The following NSMAF variants were observed in gnomAD, a reference collection of about 807,000 sequenced individuals.
NSMAF encodes protein FAN.
Under a neutral mutation model 134.9 loss-of-function variants are expected in NSMAF, and 90 were observed. The ratio of observed to expected loss-of-function variants is 0.67; its 90% CI spans 0.56 to 0.79. The LOEUF (loss-of-function observed/expected upper bound fraction) is 0.79, where lower values mean the gene tolerates loss of function less well. Among genes scored for constraint, NSMAF ranks in the 30% least tolerant of loss-of-function variants. The pLI is 0.00. For missense variants in NSMAF, 1,010 were observed against 1,119.0 expected (o/e 0.90, Z 1.39); for synonymous variants, 358 against 389.6 (o/e 0.92, Z 0.96).
In NSMAF at chr8:58,623,229, T is replaced by C. The variant is rs763273132; in HGVS notation, c.548A>G (p.Asp183Gly). ...LQSRLARTSFDKNRFQNISEK... is the reference protein window; with the variant it reads ...LQSRLARTSFGKNRFQNISEK... ...ATCATTAGAAACTTACCTGTTTTTG[T>C]CAAATGATGTTCTAGCTAAACGAGA... Residue 183 changes from aspartate (D) to glycine (G), a missense_variant, in exon 9 of 31, where the codon GAC (aspartate) becomes GGC (glycine). By Grantham distance (94) the Asp-to-Gly change is moderately conservative. Transcript: ENST00000038176. 2 of 1,608,188 alleles carry C rather than the reference T, an allele frequency of 1.2e-6. No homozygotes were observed. The highest frequency in any genetic ancestry group is 2.7e-5 in the African/African-American group (2 of 74,754).
intron 19 of NSMAF, among the ~76,000 whole-genome samples, chr8:58,598,979 T>C (rs1806208993): frequency 6.6e-6 from 1 of 151,924 alleles, no homozygotes; most frequent in Admixed American, 6.6e-5. Context: ...TAAGCCAAGA[T>C]TGTGTCACTG....
chr8:58,635,636 A>G, intron 2 of NSMAF, 90 bp from the exon 3 acceptor site: 2 of 747,836 alleles, frequency 2.7e-6, no homozygotes, highest in Non-Finnish European at 2.2e-6. Context: ...GCAGGTTACT[A>G]AAGCATCACA....
chr8:58,617,155 T>C (rs891838154), intron 9 of NSMAF, among the ~76,000 whole-genome samples: 3 of 152,162 alleles, frequency 2.0e-5, no homozygotes, highest in Non-Finnish European at 2.9e-5. Context: ...GGTAAATTTT[T>C]AATTCAGGAT....
intron 6 of NSMAF, among the ~76,000 whole-genome samples, chr8:58,625,097 A>G (rs551289234): frequency 8.5e-5 from 13 of 152,272 alleles, no homozygotes; most frequent in Admixed American, 7.8e-4. Flanking sequence ...GCCCTCCCCA[A>G]TGTGGGTGGG....
At chr8:58,606,488 T>G (rs779155786) in intron 11 of NSMAF, among the ~76,000 whole-genome samples, 1 of 152,174 alleles carries the variant, frequency 6.6e-6, no homozygotes, top group Non-Finnish European at 1.5e-5. Context: ...TGATCACCGC[T>G]CACTGCAGCC....
intron 8 of NSMAF, 43 bp from the exon 9 acceptor site, chr8:58,623,315 T>C (rs750164005): frequency 6.2e-7 from 1 of 1,600,550 alleles, no homozygotes; most frequent in Non-Finnish European, 8.6e-7. Flanking sequence ...TAAGTATTTA[T>C]AAGTAAAATA....
In NSMAF at chr8:58,584,197, G is replaced by A; in HGVS notation, c.2663C>T (p.Ala888Val). The A allele has an allele frequency of 6.2e-7, 1 of 1,611,858 alleles. No homozygotes were observed. The highest frequency in any genetic ancestry group is 8.5e-7 in the Non-Finnish European group (1 of 1,178,418). ...TTCATTCATCCATATACATGTCACAGCACCTGAGAGAAAGACATTTTGGTT... is the reference window on the plus strand; with the variant it reads ...TTCATTCATCCATATACATGTCACAACACCTGAGAGAAAGACATTTTGGTT... ...ISERIQGHTG[A>V]VTCIWMNEQC... is the part of the protein sequence containing the mutation. Residue 888 changes from alanine to valine, a missense_variant, in exon 31 of 31, where the codon GCT becomes GTT. Coordinates refer to ENST00000038176, the MANE Select transcript of NSMAF (RefSeq NM_003580.4).
At position 58,643,060 on chromosome 8, in the gene NSMAF, G is replaced by T; in HGVS notation, c.73C>A (p.Leu25Met). Residue 25 changes from leucine to methionine, a missense_variant, in exon 2 of 31, where the codon CTG becomes ATG. Physicochemically the swap from Leu to Met is conservative, Grantham distance 15. Transcript: ENST00000038176. ...LYSKERFSLL[L>M]LNLEEYYFEQ... The stretch of plus-strand genomic sequence containing the variant: ...AAGTAGTACTCCTCCAAGTTAAGCA[G>T]CAGCAAGGAAAATCTGGATTTGGGG... The T allele has an allele frequency of 6.2e-7, 1 of 1,613,904 alleles. No homozygotes were observed.
intron 23 of NSMAF, among the ~76,000 whole-genome samples, chr8:58,593,084 C>T (rs1806056517): frequency 6.6e-6 from 1 of 152,166 alleles, no homozygotes; most frequent in Admixed American, 6.5e-5. Context: ...CAGACAAATC[C>T]TGCTAAGAAC....
chr8:58,601,976 G>A lies in NSMAF; in HGVS notation c.1125+82C>T, dbSNP rs2054900. ...ACTGGTATAATTCCCCTAAGCCTTGGAGAAACGAATTTCCTTCCATAAAAA... is the reference window on the plus strand; with the variant it reads ...ACTGGTATAATTCCCCTAAGCCTTGAAGAAACGAATTTCCTTCCATAAAAA... On this transcript the variant is annotated intron_variant, in intron 14 of 30. Coordinates refer to ENST00000038176, the MANE Select transcript of NSMAF (RefSeq NM_003580.4). The A allele has an allele frequency of 0.019, 20,994 of 1,122,194 alleles. 1,309 individuals carry two copies. The East Asian group carries it at 0.22, about 12-fold the overall frequency. 69.5% of individuals were successfully genotyped at this position (1,122,194 alleles called of 1,614,324 possible).
chr8:58,633,294 A>T (rs1314819191), intron 5 of NSMAF, among the ~76,000 whole-genome samples: 3 of 152,168 alleles, frequency 2.0e-5, no homozygotes, highest in Non-Finnish European at 4.4e-5. Flanking sequence ...TGTCAAGGAC[A>T]TGCCCACCTT....
In NSMAF at chr8:58,659,728, C is replaced by G; in HGVS notation, c.-97G>C. On this transcript the variant is annotated 5_prime_UTR_variant, in exon 1 of 31. Transcript: ENST00000038176. Reference sequence around the variant, plus strand: ...AGCCGGGGAGGGCGGGATTGGTGGCCGGCTGGGGAGCGCGCGGCTGCCGGC... The same window carrying G: ...AGCCGGGGAGGGCGGGATTGGTGGCGGGCTGGGGAGCGCGCGGCTGCCGGC... The G allele has an allele frequency of 9.8e-7, 1 of 1,022,204 alleles. No individual in the cohort carries two copies. The highest frequency in any genetic ancestry group is 1.3e-6 in the Non-Finnish European group (1 of 789,416). 63.3% of individuals were successfully genotyped at this position (1,022,204 alleles called of 1,614,324 possible).
At chr8:58,656,259 C>G (rs1807708129) in intron 1 of NSMAF, among the ~76,000 whole-genome samples, 1 of 152,014 alleles carries the variant, frequency 6.6e-6, no homozygotes, top group Admixed American at 6.5e-5. Context: ...GCCTTGGCCT[C>G]CCAAAATTTG....
At chr8:58,644,339 G>A (rs1283611956) in intron 1 of NSMAF, among the ~76,000 whole-genome samples, 2 of 152,178 alleles carry the variant, frequency 1.3e-5, no homozygotes, top group Non-Finnish European at 2.9e-5. Flanking sequence ...TGTGAGAAAT[G>A]GAAAGCAGAC....
intron 9 of NSMAF, among the ~76,000 whole-genome samples, chr8:58,621,844 T>C (rs555093087): frequency 1.3e-5 from 2 of 152,110 alleles, no homozygotes; most frequent in African/African-American, 4.8e-5. Flanking sequence ...ATTTTTTGCT[T>C]CTTTCTTCTA....
intron 1 of NSMAF, among the ~76,000 whole-genome samples, chr8:58,643,402 G>A (rs1310107374): frequency 6.6e-6 from 1 of 152,106 alleles, no homozygotes; most frequent in Non-Finnish European, 1.5e-5. Context: ...AGGGAATTTT[G>A]AGCATTTGTT....
Position 58,600,031 on chromosome 8 carries a change from A to T in NSMAF, c.1281-10T>A, listed in dbSNP as rs760408704. The stretch of plus-strand genomic sequence containing the variant: ...CCAAGTTTCTGCAATACTACATATG[A>T]AAAAAAAATTCACCTATTTTCAGCT... On this transcript the variant is annotated splice_polypyrimidine_tract_variant and intron_variant, in intron 16 of 30. Coordinates refer to ENST00000038176, the MANE Select transcript of NSMAF (RefSeq NM_003580.4). The T allele has an allele frequency of 1.9e-6, 3 of 1,590,976 alleles. No homozygotes were observed. Among genetic ancestry groups the T allele is most frequent in the Non-Finnish European group, 2.6e-6 (3 of 1,162,874 alleles).
chr8:58,617,325 T>C (rs1806681194), intron 9 of NSMAF, among the ~76,000 whole-genome samples: 1 of 152,070 alleles, frequency 6.6e-6, no homozygotes, highest in African/African-American at 2.4e-5. Context: ...CTAATTAAAC[T>C]AAAGAACTTC....
At chr8:58,641,216 TG>T (rs1807328388) in intron 2 of NSMAF, among the ~76,000 whole-genome samples, 1 of 152,186 alleles carries the variant, frequency 6.6e-6, no homozygotes, top group Non-Finnish European at 1.5e-5. Context: ...CCACCACACC[TG>T]GCCTTACTGT....
Sources: gnomAD v4.1 joint callset for allele counts (sites outside exome capture counted in the v4.1 genomes callset) on GRCh38, gnomAD v4.1.1 for gene constraint, MANE v1.5 for transcripts, NCBI Gene and HGNC (gene_info 2026-07-23, HGNC 2026-07-21) for gene names.